Variants in CRPPA observed in about 807,000 individuals in gnomAD.
The protein encoded by CRPPA is D-ribitol-5-phosphate cytidylyltransferase.
CRPPA carries 43 observed loss-of-function variants against 52.0 expected under a neutral mutation model. That is an observed-to-expected ratio of 0.83 (90% CI 0.65 to 1.07). The LOEUF (loss-of-function observed/expected upper bound fraction) is 1.07, where lower values mean the gene tolerates loss of function less well. Among genes scored for constraint, CRPPA ranks in the 50% least tolerant of loss-of-function variants. The pLI is 0.00. For missense variants in CRPPA, 629 were observed against 551.7 expected (o/e 1.14, Z -1.40); for synonymous variants, 250 against 203.5 (o/e 1.23, Z -1.94).
At chr7:16,316,287 T>G (rs1179549017) in intron 3 of CRPPA, among the ~76,000 whole-genome samples, 1 of 152,078 alleles carries the variant, frequency 6.6e-6, no homozygotes, top group Non-Finnish European at 1.5e-5. Flanking sequence ...ATGAGTTATC[T>G]CTGGGAGACA....
At chr7:16,400,527 T>C (rs1313727668) in intron 2 of CRPPA, among the ~76,000 whole-genome samples, 1 of 152,110 alleles carries the variant, frequency 6.6e-6, no homozygotes, top group Non-Finnish European at 1.5e-5. Flanking sequence ...TGGCACATGA[T>C]TGACACTACT....
At chr7:16,183,731 T>C (rs762939634) in intron 9 of CRPPA, among the ~76,000 whole-genome samples, 7 of 152,054 alleles carry the variant, frequency 4.6e-5, no homozygotes, top group Non-Finnish European at 1.0e-4. Context: ...ATTTCATTTA[T>C]TACATACAAT....
chr7:16,208,916 CT>C (rs1782040756), intron 9 of CRPPA: 2 of 294,546 alleles, frequency 6.8e-6, no homozygotes, highest in Non-Finnish European at 1.4e-5. Flanking sequence ...AGATTTGAGT[CT>C]TTCCATGCCA....
In CRPPA at chr7:16,278,269, G is replaced by A. The variant is rs202101482; in HGVS notation, c.836-43C>T. 49 of 955,060 alleles carry A rather than the reference G, an allele frequency of 5.1e-5. No homozygotes were observed. The Admixed American group carries it at 1.2e-3, about 23-fold the overall frequency. The allele number at this position is 955,060 out of a possible 1,614,324, so 59.2% of individuals were successfully genotyped here. On this transcript the variant is annotated intron_variant, in intron 5 of 9. Coordinates refer to ENST00000407010, the MANE Select transcript of CRPPA (RefSeq NM_001101426.4). ...AAGTTTTAAGTTTCAAACAAAACAT[G>A]TAACAAGGCCCTAGGATGCTGAAAC...
At chr7:16,235,061 T>C (rs1782909166) in intron 8 of CRPPA, among the ~76,000 whole-genome samples, 2 of 152,008 alleles carry the variant, frequency 1.3e-5, no homozygotes, top group Non-Finnish European at 2.9e-5. Context: ...GGCTTTATGA[T>C]CTGAGTTTTG....
intron 6 of CRPPA, among the ~76,000 whole-genome samples, chr7:16,272,186 CT>C (rs1784105206): frequency 6.6e-6 from 1 of 152,238 alleles, no homozygotes; most frequent in Admixed American, 6.5e-5. Context: ...ATAGCAAAGC[CT>C]TGTCCTTTAA....
intron 9 of CRPPA, among the ~76,000 whole-genome samples, chr7:16,213,163 GTC>G (rs1378804184): frequency 6.6e-6 from 1 of 152,136 alleles, no homozygotes; most frequent in Non-Finnish European, 1.5e-5. Context: ...GAAACATTCT[GTC>G]TCTGTAAGTT....
chr7:16,224,671 CA>C (rs1782603796), intron 8 of CRPPA, among the ~76,000 whole-genome samples: 1 of 151,934 alleles, frequency 6.6e-6, no homozygotes. Flanking sequence ...TAATAAAACC[CA>C]AAATCTTCAA....
intron 5 of CRPPA, among the ~76,000 whole-genome samples, chr7:16,290,195 G>A (rs62441879): frequency 0.22 from 33,628 of 151,754 alleles, 4,741 homozygotes; most frequent in Admixed American, 0.31. Flanking sequence ...TGAATCAAAA[G>A]AATATTGTTA....
At chr7:16,164,385 T>C (rs1487482124) in intron 9 of CRPPA, among the ~76,000 whole-genome samples, 1 of 152,232 alleles carries the variant, frequency 6.6e-6, no homozygotes, top group African/African-American at 2.4e-5. Flanking sequence ...TTCTGTAAAC[T>C]GGTTATTCTA....
intron 8 of CRPPA, among the ~76,000 whole-genome samples, chr7:16,231,282 G>C (rs549004131): frequency 2.6e-5 from 4 of 151,972 alleles, no homozygotes; most frequent in Admixed American, 2.6e-4. Context: ...TCTCTCACTT[G>C]GTTTCTTTAG....
chr7:16,305,685 G>T (rs558107914), intron 4 of CRPPA, among the ~76,000 whole-genome samples: 1 of 152,156 alleles, frequency 6.6e-6, no homozygotes, highest in African/African-American at 2.4e-5. Flanking sequence ...GGCCAACATG[G>T]TGAAACCCCG....
intron 9 of CRPPA, among the ~76,000 whole-genome samples, chr7:16,186,998 GA>G (rs1781517572): frequency 6.6e-6 from 1 of 152,124 alleles, no homozygotes; most frequent in African/African-American, 2.4e-5. Flanking sequence ...GTGCAAAGAT[GA>G]AAATTAAGTA....
chr7:16,236,709 A>G (rs1280941686), intron 8 of CRPPA, among the ~76,000 whole-genome samples: 1 of 152,166 alleles, frequency 6.6e-6, no homozygotes, highest in Non-Finnish European at 1.5e-5. Flanking sequence ...TTCAACCAAT[A>G]GAAAAGGTTT....
chr7:16,130,753 A>C (rs962689229), intron 9 of CRPPA, among the ~76,000 whole-genome samples: 2 of 152,228 alleles, frequency 1.3e-5, no homozygotes, highest in Non-Finnish European at 2.9e-5. Flanking sequence ...TTGGGCTTTA[A>C]AGATGATGAA....
intron 8 of CRPPA, among the ~76,000 whole-genome samples, chr7:16,218,908 T>C (rs1379709246): frequency 1.3e-5 from 2 of 151,396 alleles, no homozygotes; most frequent in African/African-American, 4.9e-5. Context: ...ACAAGGATAC[T>C]CAGGAATTGA....
intron 3 of CRPPA, among the ~76,000 whole-genome samples, chr7:16,357,525 G>A (rs149060524): frequency 6.6e-6 from 1 of 152,070 alleles, no homozygotes; most frequent in Non-Finnish European, 1.5e-5. Context: ...CTCCTCTGTG[G>A]CTCCACTATT....
At chr7:16,261,833 C>T (rs1411128967) in intron 6 of CRPPA, 1 of 152,062 alleles carries the variant, frequency 6.6e-6, no homozygotes, top group Non-Finnish European at 1.5e-5. Flanking sequence ...ACCTACCCCG[C>T]CATTGCCCTT....
chr7:16,333,043 A>G (rs1487335855), intron 3 of CRPPA, among the ~76,000 whole-genome samples: 2 of 152,210 alleles, frequency 1.3e-5, no homozygotes, highest in East Asian at 3.9e-4. Flanking sequence ...ATAAGATCAT[A>G]AAGGGGACAA....
Sources: allele counts gnomAD v4.1 joint callset (sites outside exome capture counted in the v4.1 genomes callset), GRCh38; gene constraint gnomAD v4.1.1; transcripts MANE v1.5; gene names NCBI Gene and HGNC (gene_info 2026-07-23, HGNC 2026-07-21).